The following PIWIL1 variants were observed in gnomAD, a reference collection of about 807,000 sequenced individuals.
PIWIL1 encodes piwi like RNA-mediated gene silencing 1.
In PIWIL1, 73 loss-of-function variants were observed where a neutral mutation model predicts 114.4. That is an observed-to-expected ratio of 0.64 (90% CI 0.53 to 0.78). The LOEUF is 0.78. Among genes scored for constraint, PIWIL1 ranks in the 30% least tolerant of loss-of-function variants. PIWIL1 has a pLI of 0.00. For missense variants in PIWIL1, 723 were observed against 1,063.1 expected (o/e 0.68, Z 4.45); for synonymous variants, 375 against 369.0 (o/e 1.02, Z -0.19).
chr12:130,344,816 AT>A (rs2073027314), intron 3 of PIWIL1, among the ~76,000 whole-genome samples: 1 of 152,164 alleles, frequency 6.6e-6, no homozygotes, highest in Admixed American at 6.5e-5. Flanking sequence ...CTCTTATGGA[AT>A]TTTTCCAAAA....
intron 9 of PIWIL1, 46 bp from the exon 10 acceptor site, chr12:130,354,491 C>G (rs2073306782): frequency 6.2e-7 from 1 of 1,612,478 alleles, no homozygotes; most frequent in African/African-American, 1.3e-5. Flanking sequence ...TGAGATGCTA[C>G]TCGAGGCATT....
chr12:130,357,782 CAA>C (rs1257103056), intron 14 of PIWIL1, among the ~76,000 whole-genome samples: 1 of 152,134 alleles, frequency 6.6e-6, no homozygotes, highest in Non-Finnish European at 1.5e-5. Context: ...TGGAGAAAAA[CAA>C]AGCCATCTTC....
intron 1 of PIWIL1, among the ~76,000 whole-genome samples, chr12:130,340,550 G>A (rs2072882075): frequency 6.7e-6 from 1 of 150,002 alleles, no homozygotes; most frequent in South Asian, 2.1e-4. Context: ...AGGCTGTCCT[G>A]CTCACTCACT....
rs1281402982 is a variant in PIWIL1 at position 130,361,398 on chromosome 12, G to T, written c.1866+18G>T. On this transcript the variant is annotated intron_variant, in intron 15 of 20. Transcript: ENST00000245255. ...ACATCCCCGTGAGTTTGATTTAATTGGTAGATGCCGTTTTAAAATTGGTAT... is the reference window on the plus strand; with the variant it reads ...ACATCCCCGTGAGTTTGATTTAATTTGTAGATGCCGTTTTAAAATTGGTAT... 2 of 1,612,930 alleles carry T rather than the reference G, an allele frequency of 1.2e-6. No homozygotes were observed. Among genetic ancestry groups the T allele is most frequent in the South Asian group, 2.2e-5 (2 of 91,030 alleles).
chr12:130,396,921 A>G, the PIWIL1 span: 1 of 152,740 alleles, frequency 6.5e-6, no homozygotes, highest in Non-Finnish European at 1.5e-5. Context: ...AAGGCAGAAC[A>G]TCAAGGCGAA....
chr12:130,342,255 C>T (rs1229332266), intron 1 of PIWIL1: 27 of 314,112 alleles, frequency 8.6e-5, no homozygotes, highest in Non-Finnish European at 1.2e-5. Flanking sequence ...AAGAAAGAAC[C>T]AGCCACCAGC....
chr12:130,359,314 G>A (rs2073449170), intron 14 of PIWIL1, among the ~76,000 whole-genome samples: 1 of 152,150 alleles, frequency 6.6e-6, no homozygotes, highest in Non-Finnish European at 1.5e-5. Flanking sequence ...TGGAATTGTG[G>A]CCTCAAGACT....
At chr12:130,365,601 G>C (rs2073633676) in intron 18 of PIWIL1, among the ~76,000 whole-genome samples, 1 of 152,216 alleles carries the variant, frequency 6.6e-6, no homozygotes. Flanking sequence ...TCACAGGGCA[G>C]CTGATTTAGA....
the PIWIL1 span, chr12:130,424,922 C>T: frequency 1.0e-6 from 1 of 996,562 alleles, no homozygotes; most frequent in Non-Finnish European, 1.3e-6. This position sits in a 1 kb window ranked among gnomAD's most constrained non-coding sequence, Gnocchi z 9.8. Context: ...GAAGTGGGGG[C>T]CAGGGGAGGA....
chr12:130,405,125 AC>A, the PIWIL1 span, among the ~76,000 whole-genome samples: 8 of 152,120 alleles, frequency 5.3e-5, no homozygotes, highest in Admixed American at 2.6e-4. Context: ...TTTAGGCATG[AC>A]CCCCAAGGCA....
chr12:130,349,460 C>T, intron 8 of PIWIL1, 24 bp downstream of exon 8: 1 of 1,507,720 alleles, frequency 6.6e-7, no homozygotes, highest in Non-Finnish European at 9.2e-7. Context: ...TTAAAGTGCA[C>T]AATAATTTTT....
At chr12:130,370,560 G>A (rs954363906) in intron 19 of PIWIL1, among the ~76,000 whole-genome samples, 2 of 152,124 alleles carry the variant, frequency 1.3e-5, no homozygotes, top group Non-Finnish European at 2.9e-5. Context: ...GTATCCTCAG[G>A]AGGTCCTGGA....
intron 9 of PIWIL1, 62 bp downstream of exon 9, chr12:130,350,029 C>A (rs1047336654): frequency 1.1e-6 from 1 of 886,654 alleles, no homozygotes. Flanking sequence ...AATTCTCTAA[C>A]ACTTGTTGCA....
chr12:130,424,253 G>A, the PIWIL1 span: 12 of 1,231,796 alleles, frequency 9.7e-6, no homozygotes, highest in South Asian at 2.5e-4. This position sits in a 1 kb window ranked among gnomAD's most constrained non-coding sequence, Gnocchi z 9.8. Flanking sequence ...GGTGCTCGGT[G>A]GGCTCGCCCC....
Position 130,342,992 on chromosome 12 carries a change from T to C in PIWIL1, c.81T>C (p.Ser27=). ...ETAQLVGSTA[S]QQPGYIQPRP... The stretch of plus-strand genomic sequence containing the variant: ...TCTTTATTTGCATGTAACTACAGAG[T>C]CAGCAACCTGGTTATATTCAGCCTA... Residue 27 remains serine (S), a splice_region_variant and synonymous_variant, in exon 3 of 21, where the codon AGT becomes AGC. Transcript: ENST00000245255. 6.2e-7 allele frequency: 1 copy of C among 1,612,524 alleles called. No homozygotes were observed. Among genetic ancestry groups the C allele is most frequent in the African/African-American group, 1.3e-5 (1 of 75,014 alleles).
intron 1 of PIWIL1, among the ~76,000 whole-genome samples, chr12:130,339,186 C>T (rs535114201): frequency 9.7e-4 from 147 of 152,124 alleles, no homozygotes; most frequent in Non-Finnish European, 1.7e-3. Flanking sequence ...CCGCGACGGC[C>T]GGGCTCTGCG....
chr12:130,407,188 A>T, the PIWIL1 span, among the ~76,000 whole-genome samples: 17 of 152,322 alleles, frequency 1.1e-4, no homozygotes, highest in African/African-American at 3.8e-4. Flanking sequence ...ACTGTGTAAC[A>T]TGGGTTCACA....
the PIWIL1 span, among the ~76,000 whole-genome samples, chr12:130,410,659 A>G: frequency 6.6e-6 from 1 of 152,226 alleles, no homozygotes; most frequent in Non-Finnish European, 1.5e-5. Flanking sequence ...GTCCAAAATC[A>G]GTGGACTCCA....
At chr12:130,421,768 T>C in the PIWIL1 span, among the ~76,000 whole-genome samples, 1 of 151,608 alleles carries the variant, frequency 6.6e-6, no homozygotes, top group African/African-American at 2.4e-5. Context: ...CCAGCTTCCA[T>C]TATCTTGTGC....
Sources: gnomAD v4.1 joint callset for allele counts (sites outside exome capture counted in the v4.1 genomes callset) on GRCh38, gnomAD v4.1.1 for gene constraint, Gnocchi (gnomAD v3.1) non-coding constraint, MANE v1.5 for transcripts, NCBI Gene and HGNC (gene_info 2026-07-23, HGNC 2026-07-21) for gene names.